POLK: variants seen among roughly 807,000 people sequenced by gnomAD.
POLK encodes DNA polymerase kappa.
POLK carries 76 observed loss-of-function variants against 94.0 expected under a neutral mutation model. That is an observed-to-expected ratio of 0.81 (90% confidence interval 0.67 to 0.98). The LOEUF (loss-of-function observed/expected upper bound fraction) is 0.98, where lower values mean the gene tolerates loss of function less well. Among genes scored for constraint, POLK ranks in the 50% least tolerant of loss-of-function variants. The pLI is 0.00. For synonymous variants in POLK, 349 were observed against 325.4 expected, an observed-to-expected ratio of 1.07 and a Z score of -0.78; for missense variants, 954 against 1,010.1, an observed-to-expected ratio of 0.94 and a Z score of 0.75.
chr5:75,511,447 C>CCGCCGCCGT (rs1473118737), upstream of POLK: 22 of 1,534,348 alleles, frequency 1.4e-5, no homozygotes, highest in Non-Finnish European at 1.7e-5. Context: ...CCGTCAGCCG[C>CCGCCGCCGT]CGCCGCCGTC....
the POLK span, chr5:75,609,195 T>A: frequency 6.6e-6 from 1 of 152,164 alleles, no homozygotes; most frequent in East Asian, 1.9e-4. Context: ...GGTTTAGAAT[T>A]TGAAAGCAGT....
At chr5:75,593,915 T>C in exon 12 of POLK, 9 of 1,601,754 alleles carry the variant, frequency 5.6e-6, no homozygotes, top group Non-Finnish European at 7.7e-6. Flanking sequence ...AATGTGAATT[T>C]TGAAGTAAAA....
intron 1 of POLK, among the ~76,000 whole-genome samples, chr5:75,538,174 T>C (rs1369379595): frequency 1.3e-5 from 2 of 152,206 alleles, no homozygotes; most frequent in Non-Finnish European, 2.9e-5. Context: ...TATTTTTTAG[T>C]GTACTTTGTA....
At chr5:75,556,476 A>G (rs552375155) in intron 3 of POLK, among the ~76,000 whole-genome samples, 1 of 152,144 alleles carries the variant, frequency 6.6e-6, no homozygotes, top group South Asian at 2.1e-4. Flanking sequence ...TTTTTATTCT[A>G]TTGACAGTAT....
chr5:75,607,938 T>C, the POLK span, among the ~76,000 whole-genome samples: 1 of 152,134 alleles, frequency 6.6e-6, no homozygotes, highest in Non-Finnish European at 1.5e-5. Context: ...AATCGTCTGG[T>C]AGAGGAGGGC....
intron 1 of POLK, among the ~76,000 whole-genome samples, chr5:75,540,663 G>A (rs1272600279): frequency 2.0e-5 from 3 of 152,086 alleles, no homozygotes; most frequent in Non-Finnish European, 4.4e-5. Context: ...ACCAAAAAAG[G>A]TACTACAGGA....
intron 3 of POLK, among the ~76,000 whole-genome samples, chr5:75,559,518 G>GTTTTTT (rs1770850714): frequency 1.4e-5 from 1 of 70,158 alleles, no homozygotes; most frequent in Non-Finnish European, 2.9e-5. Context: ...TTTTTGTTTT[G>GTTTTTT]TTTTGTTTTT....
At chr5:75,537,207 G>C (rs968107882) in intron 1 of POLK, among the ~76,000 whole-genome samples, 1 of 152,248 alleles carries the variant, frequency 6.6e-6, no homozygotes, top group African/African-American at 2.4e-5. Context: ...AGCTTGTAGA[G>C]GTGCCCTTGG....
At chr5:75,555,682 G>A (rs567148743) in intron 3 of POLK, among the ~76,000 whole-genome samples, 1 of 152,028 alleles carries the variant, frequency 6.6e-6, no homozygotes, top group African/African-American at 2.4e-5. Context: ...CGAGTAGCTG[G>A]GATAACCAGT....
intron 3 of POLK, among the ~76,000 whole-genome samples, chr5:75,557,518 A>G (rs1352696880): frequency 6.6e-6 from 1 of 152,222 alleles, no homozygotes; most frequent in South Asian, 2.1e-4. Context: ...ACATTTGGAT[A>G]AACCCATTAT....
At chr5:75,515,356 A>G (rs530330642) in intron 1 of POLK, among the ~76,000 whole-genome samples, 1 of 152,336 alleles carries the variant, frequency 6.6e-6, no homozygotes, top group African/African-American at 2.4e-5. Context: ...CCAAATTTTT[A>G]TTCCATATAT....
chr5:75,534,466 A>G (rs1015227934), intron 1 of POLK, among the ~76,000 whole-genome samples: 5 of 152,106 alleles, frequency 3.3e-5, no homozygotes, highest in East Asian at 1.9e-4. Flanking sequence ...TACCTCCTGT[A>G]CTGTTTTATT....
intron 4 of POLK, 144 bp from the exon 5 acceptor site, chr5:75,573,594 C>CA (rs1205810620): frequency 4.6e-6 from 3 of 658,202 alleles, no homozygotes; most frequent in Non-Finnish European, 7.8e-6. Flanking sequence ...TGGAAAACAA[C>CA]AAAAACAAAA....
chr5:75,538,081 C>T (rs958572099), intron 1 of POLK, among the ~76,000 whole-genome samples: 1 of 152,124 alleles, frequency 6.6e-6, no homozygotes, highest in Non-Finnish European at 1.5e-5. Context: ...TGGTCTCGAT[C>T]TCCTGACCTT....
chr5:75,564,107 G>C (rs1771136357), intron 3 of POLK, among the ~76,000 whole-genome samples: 1 of 152,190 alleles, frequency 6.6e-6, no homozygotes, highest in African/African-American at 2.4e-5. Context: ...GTTTAGGATA[G>C]TTAGCTCTTC....
chr5:75,518,648 T>G (rs1416973073), intron 1 of POLK, among the ~76,000 whole-genome samples: 2 of 152,212 alleles, frequency 1.3e-5, no homozygotes, highest in African/African-American at 4.8e-5. Flanking sequence ...TATTTTCTTC[T>G]ACTAATGTTG....
intron 10 of POLK, among the ~76,000 whole-genome samples, chr5:75,589,438 C>CACACACACACGT (rs59250485): frequency 6.9e-6 from 1 of 143,992 alleles, no homozygotes; most frequent in Non-Finnish European, 1.5e-5. Flanking sequence ...CACACACACA[C>CACACACACACGT]GTGGAATATT....
At chr5:75,521,681 A>G (rs999143678) in intron 1 of POLK, among the ~76,000 whole-genome samples, 1 of 151,602 alleles carries the variant, frequency 6.6e-6, no homozygotes, top group African/African-American at 2.4e-5. Flanking sequence ...TTGAAACATT[A>G]TTTATTTATT....
At chr5:75,602,819 C>G (rs1362679026), downstream of POLK, among the ~76,000 whole-genome samples, 1 of 152,056 alleles carries the variant, frequency 6.6e-6, no homozygotes, top group Non-Finnish European at 1.5e-5. Context: ...AGCTATACAC[C>G]TTTCCTCAAT....
Sources: gnomAD v4.1 joint callset for allele counts (sites outside exome capture counted in the v4.1 genomes callset) on GRCh38, gnomAD v4.1.1 for gene constraint, MANE v1.5 for transcripts, NCBI Gene and HGNC (gene_info 2026-07-23, HGNC 2026-07-21) for gene names.